MAP2K2: variants seen among roughly 807,000 people sequenced by gnomAD.
MAP2K2 encodes the protein mitogen-activated protein kinase kinase 2.
Under a neutral mutation model 43.7 loss-of-function variants are expected in MAP2K2, and 24 were observed. The observed-to-expected ratio is 0.55, with a 90% CI of 0.40 to 0.77. MAP2K2 has a LOEUF of 0.77. MAP2K2 is among the 30% of genes least tolerant of loss of function. The pLI, the probability that MAP2K2 is intolerant of heterozygous loss-of-function variation, is 0.00. For missense variants in MAP2K2, 470 were observed against 566.8 expected, an observed-to-expected ratio of 0.83 and a Z score of 1.73; for synonymous variants, 244 against 239.7, an observed-to-expected ratio of 1.02 and a Z score of -0.17.
intron 2 of MAP2K2, among the ~76,000 whole-genome samples, chr19:4,113,896 C>T (rs924326831): frequency 4.6e-5 from 7 of 152,134 alleles, no homozygotes; most frequent in African/African-American, 1.7e-4. Flanking sequence ...TCAGCAACCT[C>T]GTAAATCATG....
chr19:4,097,351 G>A lies in MAP2K2; in HGVS notation c.920-8C>T. 1.9e-6 allele frequency: 3 copies of A among 1,611,196 alleles called. No homozygotes were observed. Among genetic ancestry groups the A allele is most frequent in the Non-Finnish European group, 2.5e-6 (3 of 1,178,200 alleles). ...GGCTATCCATCCCGTGACCTGCACA[G>A]GGAGAGAGATGGAGGTGAGATGGGC... On this transcript the variant is annotated splice_region_variant and splice_polypyrimidine_tract_variant and intron_variant, in intron 7 of 10. Coordinates refer to ENST00000262948, the MANE Select transcript of MAP2K2 (RefSeq NM_030662.4).
intron 3 of MAP2K2, among the ~76,000 whole-genome samples, chr19:4,105,154 CCGTG>C (rs1345151728): frequency 1.8e-5 from 2 of 111,728 alleles, no homozygotes; most frequent in South Asian, 5.6e-4. Flanking sequence ...TACACGTCTA[CCGTG>C]TGTGTGTGTG....
chr19:4,122,035 T>G (rs2041305005), intron 1 of MAP2K2, among the ~76,000 whole-genome samples: 1 of 115,768 alleles, frequency 8.6e-6, no homozygotes. Context: ...GGTGCCCTCT[T>G]CATCCCATGC....
At position 4,094,438 on chromosome 19, in the gene MAP2K2, G is replaced by A. The variant is rs777596226; in HGVS notation, c.1092+15C>T. The A allele has an allele frequency of 1.2e-5, 19 of 1,556,864 alleles. No individual in the cohort carries two copies. In the African/African-American group the frequency reaches 1.8e-4, roughly 14 times the overall value. On this transcript the variant is annotated intron_variant, in intron 10 of 10. Coordinates refer to ENST00000262948, the MANE Select transcript of MAP2K2 (RefSeq NM_030662.4). ...CTGCACCCTCCCGGTCCCAGAACCC[G>A]CTGGCATCACTCACTGTGAGCATCT...
At chr19:4,118,192 C>T (rs573230360) in intron 1 of MAP2K2, among the ~76,000 whole-genome samples, 5 of 152,176 alleles carry the variant, frequency 3.3e-5, no homozygotes, top group Non-Finnish European at 7.3e-5. Flanking sequence ...CCTGCCTCAG[C>T]CTCTCAAAGT....
intron 10 of MAP2K2, among the ~76,000 whole-genome samples, chr19:4,093,573 C>T (rs574823028): frequency 6.6e-6 from 1 of 151,798 alleles, no homozygotes; most frequent in Non-Finnish European, 1.5e-5. Context: ...TGCCTGTAAT[C>T]GTAGCTACCT....
intron 3 of MAP2K2, among the ~76,000 whole-genome samples, chr19:4,109,817 G>C (rs1391815429): frequency 1.3e-5 from 2 of 152,070 alleles, no homozygotes; most frequent in Non-Finnish European, 1.5e-5. Context: ...CTGGAACCCA[G>C]CAATTCCCTC....
At position 4,117,500 on chromosome 19, in the gene MAP2K2, C is replaced by G. The variant is rs1200761375; in HGVS notation, c.222G>C (p.Arg74Ser). Residue 74 changes from arginine (R) to serine (S), a missense_variant, in exon 2 of 11, where the codon AGG becomes AGC. Around this residue, in one of 3 missense-constraint regions of MAP2K2, gnomAD observed 200 missense variants for 297.9 expected, o/e 0.67. Coordinates refer to ENST00000262948, the MANE Select transcript of MAP2K2 (RefSeq NM_030662.4). ...VGELKDDDFERISELGAGNGG... is the reference protein window; with the variant it reads ...VGELKDDDFESISELGAGNGG... The stretch of plus-strand genomic sequence containing the variant: ...CGTTGCCCGCGCCCAGCTCTGAGAT[C>G]CTTTCGAAGTCATCGTCTTTGAGTT... 1 of 1,614,178 alleles carries G rather than the reference C, an allele frequency of 6.2e-7. No individual in the cohort carries two copies. The highest frequency in any genetic ancestry group is 1.7e-5 in the Admixed American group (1 of 60,016).
intron 2 of MAP2K2, among the ~76,000 whole-genome samples, chr19:4,113,013 C>G (rs978526982): frequency 6.6e-6 from 1 of 152,180 alleles, no homozygotes; most frequent in Non-Finnish European, 1.5e-5. Flanking sequence ...TTTAAGAGCC[C>G]GGTAGCCACA....
intron 8 of MAP2K2, 21 bp from the exon 9 acceptor site, chr19:4,095,470 T>TG: frequency 6.5e-7 from 1 of 1,549,468 alleles, no homozygotes; most frequent in Non-Finnish European, 8.7e-7. Context: ...GAACAGAGGG[T>TG]GGGGTCAGCC....
chr19:4,120,193 G>A lies in MAP2K2; in HGVS notation c.93-2564C>T, dbSNP rs111602719. Among the ~76,000 whole-genome samples the A allele has an allele frequency of 1.4e-3, 219 of 152,326 alleles. 1 individual carries two copies. The highest frequency in any genetic ancestry group is 5.1e-3 in the African/African-American group (211 of 41,572). On this transcript the variant is annotated intron_variant, in intron 1 of 10. Transcript: ENST00000262948. Reference sequence around the variant, plus strand: ...CATGAGGGGAAACAGGGCCCTAGTAGGTGCTCACTGAGGAGCTGCTGAACA... The same window carrying A: ...CATGAGGGGAAACAGGGCCCTAGTAAGTGCTCACTGAGGAGCTGCTGAACA...
intron 3 of MAP2K2, among the ~76,000 whole-genome samples, chr19:4,108,481 G>A (rs1457311877): frequency 1.3e-5 from 2 of 149,790 alleles, no homozygotes; most frequent in Admixed American, 1.3e-4. Context: ...GAATAGTCTC[G>A]ATCTCCTGAA....
At chr19:4,108,439 A>G (rs1944860267) in intron 3 of MAP2K2, among the ~76,000 whole-genome samples, 1 of 146,770 alleles carries the variant, frequency 6.8e-6, no homozygotes, top group South Asian at 2.1e-4. Context: ...TTTTTTTAGT[A>G]GAGACGGGGT....
intron 1 of MAP2K2, among the ~76,000 whole-genome samples, chr19:4,120,319 ATATT>A (rs919929712): frequency 5.0e-4 from 76 of 152,242 alleles, no homozygotes; most frequent in Middle Eastern, 6.8e-3. Context: ...GAATAAATGA[ATATT>A]TATTTTTTTT....
chr19:4,104,957 T>A lies in MAP2K2; in HGVS notation c.451-2504A>T, dbSNP rs537812522. ...CCCCCAGTTGTGACAACCACACACA[T>A]CCCCAGACAGTGCCAGGTGTCTCCT... On this transcript the variant is annotated intron_variant, in intron 3 of 10. Transcript: ENST00000262948. Among the ~76,000 whole-genome samples, 7 of 152,176 alleles carry A rather than the reference T, an allele frequency of 4.6e-5. No homozygotes were observed. In the South Asian group the frequency reaches 1.2e-3, roughly 27 times the overall value.
rs1010216764 is a variant in MAP2K2, at chr19:4,115,634, G to A, written c.303+1785C>T. Among the ~76,000 whole-genome samples the A allele has an allele frequency of 6.6e-6, 1 of 152,214 alleles. No homozygotes were observed. Among genetic ancestry groups the A allele is most frequent in the African/African-American group, 2.4e-5 (1 of 41,466 alleles). ...CCGCGGCTGCACACTTCAGGAGGGA[G>A]GGAGGGCAGCACTCTAGAGGCCAGA... On this transcript the variant is annotated intron_variant, in intron 2 of 10. Coordinates refer to ENST00000262948, the MANE Select transcript of MAP2K2 (RefSeq NM_030662.4). The surrounding 1 kb of genome is among the most constrained non-coding windows in gnomAD (Gnocchi z 4.1).
chr19:4,091,325 T>G (rs1358638618), intron 10 of MAP2K2, among the ~76,000 whole-genome samples: 1 of 152,222 alleles, frequency 6.6e-6, no homozygotes, highest in African/African-American at 2.4e-5. Context: ...TTTATTTCAG[T>G]TTAACAAATT....
At chr19:4,095,320 C>G in intron 9 of MAP2K2, 68 bp downstream of exon 9, 1 of 1,449,166 alleles carries the variant, frequency 6.9e-7, no homozygotes. Context: ...ACGGGCCCCA[C>G]CCAGGACCCG....
chr19:4,094,466 A>AG lies in MAP2K2; in HGVS notation c.1078dup (p.Leu360ProfsTer26). The AG allele has an allele frequency of 6.4e-7, 1 of 1,566,740 alleles. No homozygotes were observed. Among genetic ancestry groups the AG allele is most frequent in the Non-Finnish European group, 8.7e-7 (1 of 1,155,030 alleles). On this transcript the variant is annotated frameshift_variant, in exon 10 of 11. Transcript: ENST00000262948. LOFTEE classifies it low-confidence loss of function (END_TRUNC). ...GGCATCACTCACTGTGAGCATCTTC[A>AG]GGTCCGCCCGCTCCGCTGGGTTCTT... is the stretch of plus-strand genomic sequence containing the variant.
Sources: allele counts gnomAD v4.1 joint callset (sites outside exome capture counted in the v4.1 genomes callset), GRCh38; gene constraint gnomAD v4.1.1; regional missense constraint gnomAD v4.1.1; non-coding constraint Gnocchi (gnomAD v3.1); transcripts MANE v1.5; gene names NCBI Gene and HGNC (gene_info 2026-07-23, HGNC 2026-07-21).